The following KCNK13 variants were observed in gnomAD, a reference collection of about 807,000 sequenced individuals.
KCNK13 encodes the protein potassium channel subfamily K member 13.
Under a neutral mutation model 23.4 loss-of-function variants are expected in KCNK13, and 12 were observed. The ratio of observed to expected loss-of-function variants is 0.51; its 90% CI spans 0.33 to 0.83. The LOEUF is 0.83. KCNK13 is among the 40% of genes least tolerant of loss of function. The pLI is 0.02. For synonymous variants in KCNK13, 231 were observed against 229.5 expected (o/e 1.01, Z -0.06); for missense variants, 463 against 556.3 (o/e 0.83, Z 1.69).
At position 90,089,230 on chromosome 14, in the gene KCNK13, A is replaced by G. The variant is rs1468599230; in HGVS notation, c.334+26691A>G. Reference sequence around the variant, plus strand: ...GACTTGTTGAATAGCTTGGACAAAAATGCTGATAGTGATATGAACGATAAG... The same window carrying G: ...GACTTGTTGAATAGCTTGGACAAAAGTGCTGATAGTGATATGAACGATAAG... On this transcript the variant is annotated intron_variant, in intron 1 of 1. Transcript: ENST00000282146. 2.6e-5 allele frequency among the ~76,000 whole-genome samples: 4 copies of G among 152,238 alleles called. No homozygotes were observed. In the South Asian group the frequency reaches 8.3e-4, roughly 32 times the overall value.
intron 1 of KCNK13, among the ~76,000 whole-genome samples, chr14:90,111,201 G>A (rs1889611978): frequency 6.6e-6 from 1 of 152,044 alleles, no homozygotes; most frequent in Non-Finnish European, 1.5e-5. Flanking sequence ...CTAGTTCTCC[G>A]TCCAAATCTC....
At chr14:90,176,849 G>A (rs889816153) in intron 1 of KCNK13, among the ~76,000 whole-genome samples, 1 of 151,864 alleles carries the variant, frequency 6.6e-6, no homozygotes, top group Non-Finnish European at 1.5e-5. Flanking sequence ...GTGAAACCCT[G>A]TCCCTACTAA....
intron 1 of KCNK13, among the ~76,000 whole-genome samples, chr14:90,173,504 T>C (rs1482687977): frequency 6.6e-6 from 1 of 152,212 alleles, no homozygotes; most frequent in Non-Finnish European, 1.5e-5. Flanking sequence ...AAGAGAAATA[T>C]GTACATATGG....
At chr14:90,099,169 G>A (rs2140405281) in intron 1 of KCNK13, among the ~76,000 whole-genome samples, 1 of 152,254 alleles carries the variant, frequency 6.6e-6, no homozygotes, top group Middle Eastern at 3.4e-3. Context: ...TGTGTGTATG[G>A]TTGTAACATA....
chr14:90,074,434 A>G (rs1005058574), intron 1 of KCNK13, among the ~76,000 whole-genome samples: 10 of 152,218 alleles, frequency 6.6e-5, no homozygotes, highest in African/African-American at 2.4e-4. Flanking sequence ...CATGTTTTCT[A>G]TAGCTTTTCA....
intron 1 of KCNK13, among the ~76,000 whole-genome samples, chr14:90,079,320 G>T (rs1028382641): frequency 1.1e-4 from 17 of 151,674 alleles, no homozygotes; most frequent in African/African-American, 4.1e-4. Context: ...TAGTAGGAGT[G>T]TGAGGGAATT....
chr14:90,145,988 C>A (rs1366044478), intron 1 of KCNK13, among the ~76,000 whole-genome samples: 2 of 145,346 alleles, frequency 1.4e-5, no homozygotes, highest in Non-Finnish European at 3.1e-5. Context: ...CAGAAAAAGA[C>A]CCTGTCTCAA....
At chr14:90,084,858 C>T (rs1227330918) in intron 1 of KCNK13, among the ~76,000 whole-genome samples, 1 of 152,060 alleles carries the variant, frequency 6.6e-6, no homozygotes, top group East Asian at 1.9e-4. Context: ...ATTCTTTTTC[C>T]ACATCTATTG....
rs953619214 is a variant in KCNK13 at position 90,062,198 on chromosome 14, G to A, written c.-8G>A. The A allele has an allele frequency of 2.2e-6, 3 of 1,390,054 alleles. No homozygotes were observed. The highest frequency in any genetic ancestry group is 2.8e-6 in the Non-Finnish European group (3 of 1,075,520). 86.1% of individuals were successfully genotyped at this position (1,390,054 alleles called of 1,614,324 possible). ...GTGGGCCTGGGGGCTGCCCCCGGGGGCCCGGCCATGGCTGGCCGGGGTTTC... is the reference window on the plus strand; with the variant it reads ...GTGGGCCTGGGGGCTGCCCCCGGGGACCCGGCCATGGCTGGCCGGGGTTTC... On this transcript the variant is annotated 5_prime_UTR_variant, in exon 1 of 2. Coordinates refer to ENST00000282146, the MANE Select transcript of KCNK13 (RefSeq NM_022054.4). The surrounding 1 kb of genome is among the most constrained non-coding windows in gnomAD (Gnocchi z 4.5).
At chr14:90,138,635 C>T (rs1284745851) in intron 1 of KCNK13, among the ~76,000 whole-genome samples, 1 of 152,174 alleles carries the variant, frequency 6.6e-6, no homozygotes, top group Non-Finnish European at 1.5e-5. Flanking sequence ...TCTAAAAATC[C>T]ATTCAATGGG....
chr14:90,135,895 C>G (rs759242031), intron 1 of KCNK13, among the ~76,000 whole-genome samples: 3 of 151,950 alleles, frequency 2.0e-5, no homozygotes, highest in Non-Finnish European at 4.4e-5. Context: ...CTGCTTTTTT[C>G]CCTTCAACAG....
intron 1 of KCNK13, among the ~76,000 whole-genome samples, chr14:90,113,675 G>A (rs1012831791): frequency 2.0e-5 from 3 of 152,194 alleles, no homozygotes; most frequent in Non-Finnish European, 4.4e-5. Flanking sequence ...GCTCATGCCT[G>A]TAATCCCAGC....
chr14:90,122,065 T>C (rs750489085), intron 1 of KCNK13, among the ~76,000 whole-genome samples: 2 of 152,112 alleles, frequency 1.3e-5, no homozygotes, highest in African/African-American at 2.4e-5. Flanking sequence ...CTTAAGAAAC[T>C]GCCATCATGT....
intron 1 of KCNK13, among the ~76,000 whole-genome samples, chr14:90,069,030 C>CTTTTTTTTT (rs34881625): frequency 4.4e-5 from 4 of 90,096 alleles, no homozygotes; most frequent in Non-Finnish European, 6.3e-5. Context: ...AGTTTTTATT[C>CTTTTTTTTT]TTTTTTTTTT....
intron 1 of KCNK13, among the ~76,000 whole-genome samples, chr14:90,131,849 G>A (rs1303236977): frequency 6.6e-6 from 1 of 152,236 alleles, no homozygotes; most frequent in Admixed American, 6.5e-5. Flanking sequence ...GTAAAATGGT[G>A]CAACGGCTAC....
intron 1 of KCNK13, among the ~76,000 whole-genome samples, chr14:90,072,607 A>T (rs1451145186): frequency 6.6e-6 from 1 of 152,218 alleles, no homozygotes. Flanking sequence ...CACTTAAAGG[A>T]CGCTTGTTCA....
intron 1 of KCNK13, among the ~76,000 whole-genome samples, chr14:90,140,944 C>T (rs74082636): frequency 0.063 from 9,625 of 152,240 alleles, 400 homozygotes; most frequent in South Asian, 0.21. Context: ...CCCACTCTCA[C>T]ATTAGGGGAA....
At chr14:90,082,916 T>C (rs1443747403) in intron 1 of KCNK13, among the ~76,000 whole-genome samples, 1 of 152,142 alleles carries the variant, frequency 6.6e-6, no homozygotes, top group Non-Finnish European at 1.5e-5. Flanking sequence ...TGTACAAGGG[T>C]TCCAATTTCT....
chr14:90,145,237 C>G (rs1042556588), intron 1 of KCNK13, among the ~76,000 whole-genome samples: 9 of 151,794 alleles, frequency 5.9e-5, no homozygotes, highest in African/African-American at 2.2e-4. Flanking sequence ...GCAAAAAATA[C>G]AAAAAATTAG....
Sources: allele counts gnomAD v4.1 joint callset (sites outside exome capture counted in the v4.1 genomes callset), GRCh38; gene constraint gnomAD v4.1.1; non-coding constraint Gnocchi (gnomAD v3.1); transcripts MANE v1.5; gene names NCBI Gene and HGNC (gene_info 2026-07-23, HGNC 2026-07-21).